The following FMNL2 variants were observed in gnomAD, a reference collection of about 807,000 sequenced individuals.
FMNL2 encodes formin-like protein 2.
In FMNL2, 51 loss-of-function variants were observed where a neutral mutation model predicts 130.2. The ratio of observed to expected loss-of-function variants is 0.39; its 90% CI spans 0.31 to 0.49. FMNL2 has a LOEUF of 0.49. Ranked by LOEUF, FMNL2 falls within the 20% of genes least tolerant of loss-of-function variation. FMNL2 has a pLI of 0.85. For synonymous variants in FMNL2, 465 were observed against 467.1 expected (o/e 1.00, Z 0.06); for missense variants, 977 against 1,316.2 (o/e 0.74, Z 3.99).
At chr2:152,337,817 C>T (rs559630989) in intron 1 of FMNL2, among the ~76,000 whole-genome samples, 2 of 152,220 alleles carry the variant, frequency 1.3e-5, no homozygotes, top group Non-Finnish European at 2.9e-5. Flanking sequence ...CAATACCAGG[C>T]TGACCTTTTA....
chr2:152,632,782 A>G (rs1682265821), intron 21 of FMNL2, among the ~76,000 whole-genome samples: 1 of 152,218 alleles, frequency 6.6e-6, no homozygotes, highest in Non-Finnish European at 1.5e-5. Context: ...GTATTATCCA[A>G]TGTACCATGT....
intron 1 of FMNL2, among the ~76,000 whole-genome samples, chr2:152,511,791 C>T (rs986016669): frequency 5.3e-5 from 8 of 152,118 alleles, no homozygotes; most frequent in African/African-American, 1.7e-4. Flanking sequence ...GAGAGTGAGG[C>T]CAGGGTTCCA....
At chr2:152,444,882 G>A (rs953449462) in intron 1 of FMNL2, among the ~76,000 whole-genome samples, 9 of 152,146 alleles carry the variant, frequency 5.9e-5, no homozygotes, top group South Asian at 2.1e-4. Context: ...CAGTAATTGC[G>A]CCCACTTAGT....
At chr2:152,467,786 G>C (rs184614649) in intron 1 of FMNL2, among the ~76,000 whole-genome samples, 1 of 152,188 alleles carries the variant, frequency 6.6e-6, no homozygotes, top group African/African-American at 2.4e-5. Context: ...GAGCAGGCCT[G>C]GTCAACTGTT....
chr2:152,563,317 A>G (rs1695638477), intron 6 of FMNL2, among the ~76,000 whole-genome samples: 1 of 152,198 alleles, frequency 6.6e-6, no homozygotes, highest in African/African-American at 2.4e-5. Flanking sequence ...TAATATTTTC[A>G]AGCTCAAGAA....
At position 152,613,002 on chromosome 2, in the gene FMNL2, G is replaced by A. The variant is rs114432744; in HGVS notation, c.1062+1397G>A. On this transcript the variant is annotated intron_variant, in intron 11 of 25. Coordinates refer to ENST00000288670, the MANE Select transcript of FMNL2 (RefSeq NM_052905.4). ...CTGTACCCTCAGTTTATTAGGAGAC[G>A]GAATCACAGAGGTGGTTACTCTCAA... 8.4e-3 allele frequency among the ~76,000 whole-genome samples: 1,278 copies of A among 152,260 alleles called. 9 individuals carry two copies. The highest frequency in any genetic ancestry group is 0.015 in the South Asian group (71 of 4,820).
intron 1 of FMNL2, among the ~76,000 whole-genome samples, chr2:152,462,230 A>G (rs1340867164): frequency 6.6e-6 from 1 of 152,164 alleles, no homozygotes; most frequent in South Asian, 2.1e-4. Flanking sequence ...AATCTTGTTT[A>G]TTTCAAGTGT....
At chr2:152,558,694 A>C in intron 4 of FMNL2, 46 bp from the exon 5 acceptor site, 1 of 1,530,870 alleles carries the variant, frequency 6.5e-7, no homozygotes, top group Non-Finnish European at 8.9e-7. Flanking sequence ...ATGGCAGGTC[A>C]TGTGATCAAT....
At chr2:152,519,636 C>A (rs1692967798) in intron 1 of FMNL2, among the ~76,000 whole-genome samples, 1 of 152,166 alleles carries the variant, frequency 6.6e-6, no homozygotes, top group South Asian at 2.1e-4. Context: ...AAGTTTAGGT[C>A]CTGTCTTTGT....
chr2:152,586,368 G>T (rs188214611), intron 9 of FMNL2, among the ~76,000 whole-genome samples: 1 of 152,176 alleles, frequency 6.6e-6, no homozygotes, highest in Non-Finnish European at 1.5e-5. Context: ...GAAGGCACTC[G>T]TGCTACACAT....
At chr2:152,564,432 CTG>C (rs1695702699) in intron 6 of FMNL2, among the ~76,000 whole-genome samples, 1 of 152,076 alleles carries the variant, frequency 6.6e-6, no homozygotes, top group Admixed American at 6.6e-5. Context: ...ATGAAAAACA[CTG>C]TGTTCAGCTG....
chr2:152,412,832 A>G (rs1035478146), intron 1 of FMNL2, among the ~76,000 whole-genome samples: 7 of 151,956 alleles, frequency 4.6e-5, no homozygotes, highest in Admixed American at 1.3e-4. Flanking sequence ...CTGAAATGGA[A>G]ATTATTTCCA....
At chr2:152,404,376 TAAC>T (rs1423732577) in intron 1 of FMNL2, among the ~76,000 whole-genome samples, 3 of 152,200 alleles carry the variant, frequency 2.0e-5, no homozygotes, top group African/African-American at 7.2e-5. Context: ...CACAGGCACT[TAAC>T]AGAGAAAGGG....
intron 4 of FMNL2, among the ~76,000 whole-genome samples, chr2:152,552,781 G>A (rs1695008914): frequency 6.6e-6 from 1 of 152,196 alleles, no homozygotes; most frequent in Admixed American, 6.5e-5. Flanking sequence ...TGCAGTGTGA[G>A]TAGGCAGATG....
intron 25 of FMNL2, among the ~76,000 whole-genome samples, chr2:152,643,068 T>C (rs988846211): frequency 2.6e-5 from 4 of 152,156 alleles, no homozygotes; most frequent in Non-Finnish European, 4.4e-5. Context: ...TTTTCATTAG[T>C]ATGTCCTCCA....
At chr2:152,447,068 G>A (rs1243620523) in intron 1 of FMNL2, among the ~76,000 whole-genome samples, 1 of 151,390 alleles carries the variant, frequency 6.6e-6, no homozygotes, top group African/African-American at 2.4e-5. Context: ...AAGAGACTTT[G>A]TCAATCTTCT....
At chr2:152,580,922 CTGATT>C (rs1204715655) in intron 8 of FMNL2, 29 bp from the exon 9 acceptor site, 1 of 1,588,776 alleles carries the variant, frequency 6.3e-7, no homozygotes, top group South Asian at 1.1e-5. Context: ...GCCATTTTCA[CTGATT>C]TGTGTTTTTC....
intron 1 of FMNL2, among the ~76,000 whole-genome samples, chr2:152,366,369 C>A (rs1229536975): frequency 6.6e-6 from 1 of 151,754 alleles, no homozygotes; most frequent in Admixed American, 6.6e-5. Context: ...AGCACAGCAA[C>A]ATGGCACATG....
chr2:152,609,723 T>G (rs1013381918), intron 10 of FMNL2, among the ~76,000 whole-genome samples: 1 of 152,176 alleles, frequency 6.6e-6, no homozygotes, highest in African/African-American at 2.4e-5. Context: ...ATATCCAATG[T>G]ATACCATATC....
Sources: gnomAD v4.1 joint callset for allele counts (sites outside exome capture counted in the v4.1 genomes callset) on GRCh38, gnomAD v4.1.1 for gene constraint, MANE v1.5 for transcripts, NCBI Gene and HGNC (gene_info 2026-07-23, HGNC 2026-07-21) for gene names.